YTHDF3: variants seen among roughly 807,000 people sequenced by gnomAD.
YTHDF3 encodes the protein YTH N6-methyladenosine RNA binding protein F3, also known as YTH domain-containing family protein 3.
In YTHDF3, 9 loss-of-function variants were observed where a neutral mutation model predicts 52.5. The ratio of observed to expected loss-of-function variants is 0.17; its 90% confidence interval spans 0.10 to 0.30. The LOEUF is 0.30. Among genes scored for constraint, YTHDF3 ranks in the 10% least tolerant of loss-of-function variants. YTHDF3 has a pLI of 1.00. For missense variants in YTHDF3, 534 were observed against 715.0 expected (o/e 0.75, Z 2.89); for synonymous variants, 274 against 243.3 (o/e 1.13, Z -1.18).
chr8:63,203,861 T>C (rs28497682), intron 4 of YTHDF3, among the ~76,000 whole-genome samples: 28,311 of 152,236 alleles, frequency 0.19, 3,376 homozygotes, highest in East Asian at 0.42. Context: ...CTGGGGGTTA[T>C]GGATTTTTGA....
At chr8:63,182,154 G>A (rs544105051) in intron 3 of YTHDF3, among the ~76,000 whole-genome samples, 9 of 150,548 alleles carry the variant, frequency 6.0e-5, no homozygotes, top group South Asian at 4.2e-4. Flanking sequence ...CTGCAGCCTC[G>A]AACTCCTGGG....
At chr8:63,176,768 C>T (rs1807721451) in intron 3 of YTHDF3, among the ~76,000 whole-genome samples, 1 of 152,040 alleles carries the variant, frequency 6.6e-6, no homozygotes. Context: ...ACCTCTGCCT[C>T]CCAGGCTCAA....
At chr8:63,190,822 T>A (rs1156274757) in intron 4 of YTHDF3, among the ~76,000 whole-genome samples, 1 of 152,226 alleles carries the variant, frequency 6.6e-6, no homozygotes, top group Admixed American at 6.5e-5. Context: ...TGAATCACAT[T>A]CATTGCTCAG....
chr8:63,170,075 T>C (rs1807198386), intron 2 of YTHDF3, among the ~76,000 whole-genome samples: 1 of 152,208 alleles, frequency 6.6e-6, no homozygotes, highest in African/African-American at 2.4e-5. Context: ...AAAAAGTGTG[T>C]TTTGTATTAA....
intron 4 of YTHDF3, among the ~76,000 whole-genome samples, chr8:63,198,222 T>G (rs1381828497): frequency 1.3e-5 from 2 of 152,102 alleles, no homozygotes; most frequent in African/African-American, 4.8e-5. Context: ...CTCTTCTTTC[T>G]TTTCTTTTCC....
intron 3 of YTHDF3, among the ~76,000 whole-genome samples, chr8:63,176,585 CTG>C (rs981088801): frequency 1.3e-4 from 20 of 151,494 alleles, no homozygotes; most frequent in South Asian, 2.1e-4. Flanking sequence ...CAGCCCACCT[CTG>C]TAGTTCTTTG....
At chr8:63,194,107 G>A (rs1809086944) in intron 4 of YTHDF3, among the ~76,000 whole-genome samples, 1 of 152,030 alleles carries the variant, frequency 6.6e-6, no homozygotes, top group Non-Finnish European at 1.5e-5. Context: ...TGGTGCCTGA[G>A]ACAGTATAAC....
At chr8:63,191,296 C>T (rs1808898121) in intron 4 of YTHDF3, among the ~76,000 whole-genome samples, 1 of 152,052 alleles carries the variant, frequency 6.6e-6, no homozygotes, top group Non-Finnish European at 1.5e-5. Flanking sequence ...TGAATCTTTG[C>T]CCTTGAGTTC....
chr8:63,169,689 G>A (rs1421556527), intron 2 of YTHDF3, among the ~76,000 whole-genome samples: 5 of 152,140 alleles, frequency 3.3e-5, no homozygotes, highest in Non-Finnish European at 7.3e-5. Context: ...TGGTTTTCCA[G>A]TTTTTCTGTG....
chr8:63,179,159 G>C (rs1585746162), intron 3 of YTHDF3, among the ~76,000 whole-genome samples: 1 of 151,744 alleles, frequency 6.6e-6, no homozygotes, highest in African/African-American at 2.4e-5. Flanking sequence ...CTATTTTGTA[G>C]TGTTCAGTTT....
intron 3 of YTHDF3, among the ~76,000 whole-genome samples, chr8:63,180,939 G>A (rs1326161119): frequency 6.6e-6 from 1 of 152,214 alleles, no homozygotes; most frequent in Non-Finnish European, 1.5e-5. Context: ...GTCCAGCTTC[G>A]GCTCGGCATC....
intron 4 of YTHDF3, among the ~76,000 whole-genome samples, chr8:63,188,008 A>G (rs1808643492): frequency 6.6e-6 from 1 of 152,242 alleles, no homozygotes; most frequent in Non-Finnish European, 1.5e-5. Context: ...AGTGTTTATC[A>G]TCAAAGCTGA....
intron 4 of YTHDF3, among the ~76,000 whole-genome samples, chr8:63,197,614 GGAGAA>G (rs577666332): frequency 6.6e-4 from 100 of 152,192 alleles, no homozygotes; most frequent in African/African-American, 2.4e-3. Context: ...GTACGGGAGA[GGAGAA>G]GAGAAGTGGG....
At chr8:63,184,333 A>G (rs935111656) in intron 3 of YTHDF3, among the ~76,000 whole-genome samples, 1 of 152,240 alleles carries the variant, frequency 6.6e-6, no homozygotes, top group Non-Finnish European at 1.5e-5. Context: ...TTTAAGTCCA[A>G]GCTTTACTGG....
chr8:63,206,513 A>G (rs778037440), intron 4 of YTHDF3, among the ~76,000 whole-genome samples: 27 of 152,230 alleles, frequency 1.8e-4, no homozygotes, highest in Admixed American at 8.5e-4. Flanking sequence ...ATCAGCAGTA[A>G]GTCTTGTTGG....
At chr8:63,189,926 TAA>T (rs1300070137) in intron 4 of YTHDF3, among the ~76,000 whole-genome samples, 1 of 152,174 alleles carries the variant, frequency 6.6e-6, no homozygotes, top group African/African-American at 2.4e-5. Flanking sequence ...TTCTCCCACT[TAA>T]ATATGAGAAA....
At chr8:63,195,658 G>C (rs932861324) in intron 4 of YTHDF3, among the ~76,000 whole-genome samples, 1 of 152,054 alleles carries the variant, frequency 6.6e-6, no homozygotes, top group African/African-American at 2.4e-5. Context: ...AATATTTTCA[G>C]ATGGAATGGG....
chr8:63,173,243 C>CTT (rs1188215413), intron 2 of YTHDF3, among the ~76,000 whole-genome samples: 1 of 116,026 alleles, frequency 8.6e-6, no homozygotes, highest in Admixed American at 8.6e-5. Flanking sequence ...GTACTTTTTC[C>CTT]TTTTTTTTTT....
chr8:63,175,675 G>A (rs1807637692), intron 3 of YTHDF3: 1 of 280,508 alleles, frequency 3.6e-6, no homozygotes, highest in Admixed American at 4.6e-5. Context: ...TATATATTAT[G>A]GTTAGGTTTT....
Sources: gnomAD v4.1 joint callset for allele counts (sites outside exome capture counted in the v4.1 genomes callset) on GRCh38, gnomAD v4.1.1 for gene constraint, MANE v1.5 for transcripts, NCBI Gene and HGNC (gene_info 2026-07-23, HGNC 2026-07-21) for gene names.